Variants in RUFY3 observed in about 807,000 individuals in gnomAD.
The protein encoded by RUFY3 is protein RUFY3.
In RUFY3, 34 loss-of-function variants were observed where a neutral mutation model predicts 84.0. The observed-to-expected ratio is 0.40, with a 90% CI of 0.31 to 0.54. RUFY3 has a LOEUF of 0.54. Among genes scored for constraint, RUFY3 ranks in the 20% least tolerant of loss-of-function variants. The pLI is 0.39. For synonymous variants in RUFY3, 242 were observed against 252.9 expected, an observed-to-expected ratio of 0.96 and a Z score of 0.41; for missense variants, 507 against 736.8, an observed-to-expected ratio of 0.69 and a Z score of 3.61.
chr4:70,791,727 G>A (rs1730851630), intron 12 of RUFY3: 2 of 998,504 alleles, frequency 2.0e-6, no homozygotes. Context: ...GATGAACCTA[G>A]AGGTAACTAC....
intron 1 of RUFY3, among the ~76,000 whole-genome samples, chr4:70,754,793 A>G (rs1307891770): frequency 6.6e-6 from 1 of 152,172 alleles, no homozygotes; most frequent in African/African-American, 2.4e-5. Flanking sequence ...AAAGTTCAAA[A>G]TAGATTTATT....
chr4:70,762,365 A>G (rs993917151), intron 1 of RUFY3, among the ~76,000 whole-genome samples, 154 bp from the exon 2 acceptor site: 4 of 152,228 alleles, frequency 2.6e-5, no homozygotes, highest in African/African-American at 9.6e-5. Context: ...TTGATAAAAT[A>G]GTTCATTTTA....
rs113572292 is a variant in RUFY3, at chr4:70,784,174, G to A, written c.988-622G>A. 5.9e-3 allele frequency among the ~76,000 whole-genome samples: 898 copies of A among 152,296 alleles called. 14 individuals carry two copies. Among genetic ancestry groups the A allele is most frequent in the African/African-American group, 0.02 (841 of 41,568 alleles). ...GTTGCGAATTCTCTGGAGATTGAATGTATTAACATTTAAACCTATAGCCCC... is the reference window on the plus strand; with the variant it reads ...GTTGCGAATTCTCTGGAGATTGAATATATTAACATTTAAACCTATAGCCCC... On this transcript the variant is annotated intron_variant, in intron 9 of 17. Coordinates refer to ENST00000381006, the MANE Select transcript of RUFY3 (RefSeq NM_001037442.4).
intron 1 of RUFY3, among the ~76,000 whole-genome samples, chr4:70,706,106 G>A (rs748020182): frequency 2.0e-5 from 3 of 152,188 alleles, no homozygotes; most frequent in South Asian, 2.1e-4. Context: ...GGGCCCTAGA[G>A]TCGTCAATGA....
intron 1 of RUFY3, among the ~76,000 whole-genome samples, chr4:70,740,307 C>G (rs996840253): frequency 1.3e-5 from 2 of 152,148 alleles, no homozygotes; most frequent in Non-Finnish European, 2.9e-5. Flanking sequence ...AAACTTTAAT[C>G]TCTGTTTTAA....
chr4:70,789,951 C>A, intron 12 of RUFY3: 1 of 962,762 alleles, frequency 1.0e-6, no homozygotes, highest in Non-Finnish European at 1.2e-6. Flanking sequence ...TTTTATTGTT[C>A]ATCACTGAAG....
chr4:70,799,162 GAGAAA>G (rs1417172647), intron 14 of RUFY3, among the ~76,000 whole-genome samples: 3 of 148,686 alleles, frequency 2.0e-5, no homozygotes, highest in Non-Finnish European at 3.0e-5. Flanking sequence ...AAAAAAAAAA[GAGAAA>G]AGAAAAAAGA....
chr4:70,711,089 A>G (rs1044286295), intron 1 of RUFY3, among the ~76,000 whole-genome samples: 7 of 148,432 alleles, frequency 4.7e-5, no homozygotes, highest in Non-Finnish European at 7.4e-5. Context: ...AAAAAAAAAA[A>G]AAGAAGTATG....
intron 14 of RUFY3, among the ~76,000 whole-genome samples, chr4:70,795,434 A>G (rs79714184): frequency 0.021 from 3,158 of 152,316 alleles, 120 homozygotes; most frequent in East Asian, 0.16. Context: ...AAATTTCTAC[A>G]TAATAATCTT....
chr4:70,704,726 G>T (rs1024845826), upstream of RUFY3: 13 of 327,672 alleles, frequency 4.0e-5, no homozygotes, highest in Admixed American at 5.5e-4. Context: ...CCGTCGGGCG[G>T]GGCGGTCCCT....
chr4:70,715,588 C>CAA (rs886636641), intron 1 of RUFY3, among the ~76,000 whole-genome samples: 205 of 46,482 alleles, frequency 4.4e-3, no homozygotes, highest in Middle Eastern at 0.015. Context: ...ACACTATCTC[C>CAA]AAAAAAAAAA....
chr4:70,741,707 CT>C, intron 1 of RUFY3: 2 of 1,440,908 alleles, frequency 1.4e-6, no homozygotes, highest in Non-Finnish European at 9.1e-7. Context: ...CATCTTTCAG[CT>C]TTTTCTCCTT....
chr4:70,756,265 C>T (rs1724004855), intron 1 of RUFY3, among the ~76,000 whole-genome samples: 1 of 152,138 alleles, frequency 6.6e-6, no homozygotes, highest in Admixed American at 6.5e-5. Flanking sequence ...TATTTATTTT[C>T]CTCTGCCATT....
exon 1 of RUFY3, chr4:70,704,817 G>C: frequency 1.6e-5 from 10 of 622,406 alleles, no homozygotes; most frequent in Non-Finnish European, 2.3e-5. Flanking sequence ...GAGAAGAAAG[G>C]TGGCGGTGGC....
chr4:70,806,563 A>G lies in RUFY3; in HGVS notation c.1767A>G (p.Thr589=). 3.1e-6 allele frequency: 5 copies of G among 1,614,218 alleles called. No individual in the cohort carries two copies. The highest frequency in any genetic ancestry group is 2.5e-6 in the Non-Finnish European group (3 of 1,180,024). The part of the protein sequence containing the change: ...CSGTFCDACS[T]NELPLPSSIK... ...GAACCTTCTGTGATGCCTGTTCAACAAATGAACTGCCTCTTCCTTCAAGTA... is the reference window on the plus strand; with the variant it reads ...GAACCTTCTGTGATGCCTGTTCAACGAATGAACTGCCTCTTCCTTCAAGTA... The change falls in exon 18 of 18, where the codon ACA becomes ACG. Residue 589 remains threonine (T), a synonymous_variant. Coordinates refer to ENST00000381006, the MANE Select transcript of RUFY3 (RefSeq NM_001037442.4).
At chr4:70,723,107 T>C (rs932096831) in intron 1 of RUFY3, among the ~76,000 whole-genome samples, 4 of 152,158 alleles carry the variant, frequency 2.6e-5, no homozygotes, top group Non-Finnish European at 4.4e-5. Context: ...ATTGTAGTGA[T>C]TTATAACACT....
chr4:70,715,927 C>CA (rs1741540373), intron 1 of RUFY3, among the ~76,000 whole-genome samples: 1 of 152,082 alleles, frequency 6.6e-6, no homozygotes, highest in Non-Finnish European at 1.5e-5. Flanking sequence ...TCCTGGCTAA[C>CA]CTGGTGAAAC....
chr4:70,787,130 G>T (rs1487316797), intron 10 of RUFY3, among the ~76,000 whole-genome samples: 5 of 116,890 alleles, frequency 4.3e-5, no homozygotes, highest in African/African-American at 6.8e-5. Flanking sequence ...AGATCACACT[G>T]CACTCCAGCC....
chr4:70,732,231 A>G (rs1719388627), intron 1 of RUFY3, among the ~76,000 whole-genome samples: 1 of 152,206 alleles, frequency 6.6e-6, no homozygotes, highest in South Asian at 2.1e-4. Context: ...TATGCTAGAA[A>G]TCATTCCCCA....
Sources: allele counts gnomAD v4.1 joint callset (sites outside exome capture counted in the v4.1 genomes callset), GRCh38; gene constraint gnomAD v4.1.1; transcripts MANE v1.5; gene names NCBI Gene and HGNC (gene_info 2026-07-23, HGNC 2026-07-21).